Variants in ZNF432 observed in about 807,000 individuals in gnomAD.
ZNF432 encodes the protein zinc finger protein 432.
In ZNF432, 10 loss-of-function variants were observed where a neutral mutation model predicts 13.9. That is an observed-to-expected ratio of 0.72 (90% CI 0.44 to 1.22). The LOEUF (loss-of-function observed/expected upper bound fraction) is 1.22. ZNF432 is among the 50% of genes most tolerant of loss of function. The pLI is 0.00. For synonymous variants in ZNF432, 247 were observed against 256.2 expected (o/e 0.96, Z 0.34); for missense variants, 793 against 796.2 (o/e 1.00, Z 0.05).
At chr19:52,040,449 C>T (rs1436517524) in intron 4 of ZNF432, 39 bp downstream of exon 4, 1 of 1,570,270 alleles carries the variant, frequency 6.4e-7, no homozygotes, top group African/African-American at 1.4e-5. Flanking sequence ...CTTTCACTGA[C>T]TATAATATTA....
intron 1 of ZNF432, among the ~76,000 whole-genome samples, chr19:52,048,184 A>ACACACACAC (rs1568525403): frequency 3.5e-3 from 199 of 56,086 alleles, no homozygotes; most frequent in African/African-American, 8.3e-3. Flanking sequence ...CACACACACA[A>ACACACACAC]AACCAGCCAG....
rs1310629802 is a variant in ZNF432, at chr19:52,040,535, T to C, written c.191A>G (p.Glu64Gly). 6.2e-7 allele frequency: 1 copy of C among 1,614,050 alleles called. No individual in the cohort carries two copies. The highest frequency in any genetic ancestry group is 8.5e-7 in the Non-Finnish European group (1 of 1,180,036). ...TTCATCTTCCATTGTCCATGGTTCTTCTCCTCGTTCCAACTTGGAGAGTGC... is the reference window on the plus strand; with the variant it reads ...TTCATCTTCCATTGTCCATGGTTCTCCTCCTCGTTCCAACTTGGAGAGTGC... ...PDALSKLERGEEPWTMEDERH... is the reference protein window; with the variant it reads ...PDALSKLERGGEPWTMEDERH... The change falls in exon 4 of 5, where the codon GAA (glutamate) becomes GGA (glycine). Residue 64 changes from glutamate (E) to glycine (G), a missense_variant. Glu to Gly is a moderately conservative substitution (Grantham distance 98). Coordinates refer to ENST00000221315, the MANE Select transcript of ZNF432 (RefSeq NM_014650.4).
intron 4 of ZNF432, among the ~76,000 whole-genome samples, chr19:52,038,730 T>C (rs1276827936): frequency 6.6e-6 from 1 of 152,230 alleles, no homozygotes; most frequent in East Asian, 1.9e-4. Context: ...AACCCCTTTA[T>C]TGTTAATTTT....
At position 52,034,640 on chromosome 19, in the gene ZNF432, A is replaced by G; in HGVS notation, c.1039T>C (p.Cys347Arg). The stretch of plus-strand genomic sequence containing the variant: ...GTGAAGCCTTTCCCACATTCACTAC[A>G]GATGTAGGGCTTCTCTCCTGTATGA... ...RTHTGEKPYI[C>R]SECGKGFTTK... is the part of the protein sequence containing the mutation. Residue 347 changes from cysteine to arginine, a missense_variant, in exon 5 of 5, where the codon TGT (cysteine) becomes CGT (arginine). By Grantham distance (180) the Cys-to-Arg change is radical. Coordinates refer to ENST00000221315, the MANE Select transcript of ZNF432 (RefSeq NM_014650.4). The G allele has an allele frequency of 6.2e-7, 1 of 1,613,632 alleles. No individual in the cohort carries two copies. The highest frequency in any genetic ancestry group is 8.5e-7 in the Non-Finnish European group (1 of 1,179,828).
At position 52,032,070 on chromosome 19, in the gene ZNF432, T is replaced by C. The variant is rs2087019713; in HGVS notation, c.*1650A>G. The C allele has an allele frequency of 6.6e-6, 1 of 152,202 alleles. No individual in the cohort carries two copies. Among genetic ancestry groups the C allele is most frequent in the African/African-American group, 2.4e-5 (1 of 41,432 alleles). 9.4% of individuals were successfully genotyped at this position (152,202 alleles called of 1,614,324 possible). A position where few individuals can be genotyped will look rare whatever the true frequency, so the allele number is the denominator to read the frequency against. On this transcript the variant is annotated 3_prime_UTR_variant, in exon 5 of 5. Coordinates refer to ENST00000221315, the MANE Select transcript of ZNF432 (RefSeq NM_014650.4). The stretch of plus-strand genomic sequence containing the variant: ...GAATACTCAGGAAACTTTTGTATAT[T>C]TTGTAATCTCTTGTGAATCTAGAAT...
At chr19:52,044,917 G>C (rs561476963) in intron 2 of ZNF432, among the ~76,000 whole-genome samples, 1 of 152,132 alleles carries the variant, frequency 6.6e-6, no homozygotes, top group South Asian at 2.1e-4. Context: ...CTAAGGTAGG[G>C]GTGTCCAATC....
intron 2 of ZNF432, among the ~76,000 whole-genome samples, chr19:52,041,999 A>T (rs1192359227): frequency 6.6e-6 from 1 of 152,230 alleles, no homozygotes; most frequent in African/African-American, 2.4e-5. Context: ...GAACCACAGG[A>T]TACTACATTC....
intron 4 of ZNF432, among the ~76,000 whole-genome samples, chr19:52,039,909 T>G (rs1422716088): frequency 6.6e-6 from 1 of 151,882 alleles, no homozygotes; most frequent in Non-Finnish European, 1.5e-5. Context: ...GGAAACAATT[T>G]TTTTTTTTAA....
In ZNF432 at chr19:52,033,577, G is replaced by A. The variant is rs1208802194; in HGVS notation, c.*143C>T. On this transcript the variant is annotated 3_prime_UTR_variant, in exon 5 of 5. Transcript: ENST00000221315. ...TGTTGAAGCCTTTCTGACATTGATA[G>A]CATTCATCCTAGTGAATAACACTGG... 6.6e-6 allele frequency: 6 copies of A among 908,042 alleles called. No homozygotes were observed. The highest frequency in any genetic ancestry group is 9.7e-6 in the Non-Finnish European group (6 of 618,644). 56.2% of individuals were successfully genotyped at this position (908,042 alleles called of 1,614,324 possible).
chr19:52,037,651 A>G (rs2087095719), intron 4 of ZNF432, among the ~76,000 whole-genome samples: 1 of 152,016 alleles, frequency 6.6e-6, no homozygotes, highest in Non-Finnish European at 1.5e-5. Context: ...CCAGGCATGC[A>G]TGGTGATATG....
At position 52,043,702 on chromosome 19, in the gene ZNF432, G is replaced by C. The variant is rs545596925; in HGVS notation, c.16-2096C>G. ...GTATGCTCCATCTACTGAGATAGGG[G>C]AAAACCGCCTTAGGGCTGGAGGTGG... On this transcript the variant is annotated intron_variant, in intron 2 of 4. Transcript: ENST00000221315. 1.2e-4 allele frequency among the ~76,000 whole-genome samples: 18 copies of C among 152,358 alleles called. No individual in the cohort carries two copies. The East Asian group carries it at 3.5e-3, about 29-fold the overall frequency.
chr19:52,034,536 G>A lies in ZNF432; in HGVS notation c.1143C>T (p.Gly381=). ...CGATCATACGGCTCTTCATGGTGAA[G>A]CCTTTCCCACATTCATTGCATATAT... ...KPYICNECGK[G]FTMKSRMIEH... Residue 381 remains glycine (G), a synonymous_variant, in exon 5 of 5, where the codon GGC becomes GGT. Coordinates refer to ENST00000221315, the MANE Select transcript of ZNF432 (RefSeq NM_014650.4). 1.2e-6 allele frequency: 2 copies of A among 1,613,624 alleles called. No homozygotes were observed. The highest frequency in any genetic ancestry group is 2.2e-5 in the South Asian group (2 of 91,062).
At position 52,034,033 on chromosome 19, in the gene ZNF432, C is replaced by T; in HGVS notation, c.1646G>A (p.Gly549Asp). Residue 549 changes from glycine to aspartate, a missense_variant, in exon 5 of 5, where the codon GGC becomes GAC. Gly to Asp is a moderately conservative substitution (Grantham distance 94, BLOSUM62 -1). Transcript: ENST00000221315. ...KPFMCSECGK[G>D]FTMKRYLIVH... ...AATGAGATAGCGTTTCATGGTGAAG[C>T]CTTTTCCACATTCACTGCACATAAA... 3.1e-6 allele frequency: 5 copies of T among 1,614,128 alleles called. No homozygotes were observed. The highest frequency in any genetic ancestry group is 4.2e-6 in the Non-Finnish European group (5 of 1,180,012).
chr19:52,034,611 TGTG>T lies in ZNF432; in HGVS notation c.1065_1067del (p.Thr356del). 4 of 1,611,654 alleles carry T rather than the reference TGTG, an allele frequency of 2.5e-6. No individual in the cohort carries two copies. The highest frequency in any genetic ancestry group is 3.4e-6 in the Non-Finnish European group (4 of 1,179,260). The stretch of plus-strand genomic sequence containing the variant: ...GTTGATGTATGATGACATAGTGTTT[TGTG>T]GTGAAGCCTTTCCCACATTCACTAC... On this transcript the variant is annotated inframe_deletion, in exon 5 of 5. Coordinates refer to ENST00000221315, the MANE Select transcript of ZNF432 (RefSeq NM_014650.4).
In ZNF432 at chr19:52,032,977, A is replaced by G. The variant is rs2087030025; in HGVS notation, c.*743T>C. ...CATGATAATGCTGCTAGTATGTGTAAGTTCATTGATGATCTATTATGATCA... is the reference window on the plus strand; with the variant it reads ...CATGATAATGCTGCTAGTATGTGTAGGTTCATTGATGATCTATTATGATCA... On this transcript the variant is annotated 3_prime_UTR_variant, in exon 5 of 5. Coordinates refer to ENST00000221315, the MANE Select transcript of ZNF432 (RefSeq NM_014650.4). The G allele has an allele frequency of 6.6e-6, 1 of 152,164 alleles. No homozygotes were observed. Among genetic ancestry groups the G allele is most frequent in the Non-Finnish European group, 1.5e-5 (1 of 68,034 alleles). 9.4% of individuals were successfully genotyped at this position (152,164 alleles called of 1,614,324 possible).
rs1273914471 is a variant in ZNF432 at position 52,040,594 on chromosome 19, G to A, written c.143-11C>T. 1 of 1,610,696 alleles carries A rather than the reference G, an allele frequency of 6.2e-7. No homozygotes were observed. The highest frequency in any genetic ancestry group is 8.5e-7 in the Non-Finnish European group (1 of 1,176,996). ...TGCTGACTTGATAACCTGTTTACGG[G>A]AAATAATAGAAGACAGACACACTGG... On this transcript the variant is annotated splice_polypyrimidine_tract_variant and intron_variant, in intron 3 of 4. Coordinates refer to ENST00000221315, the MANE Select transcript of ZNF432 (RefSeq NM_014650.4).
intron 4 of ZNF432, among the ~76,000 whole-genome samples, chr19:52,037,508 G>A (rs777721878): frequency 7.9e-5 from 12 of 152,062 alleles, no homozygotes; most frequent in South Asian, 2.1e-4. Context: ...TAGAAAAGTC[G>A]TATCAAGGCC....
intron 2 of ZNF432, among the ~76,000 whole-genome samples, chr19:52,045,388 C>T (rs1194672371): frequency 5.3e-5 from 7 of 131,136 alleles, no homozygotes; most frequent in Non-Finnish European, 1.5e-5. Context: ...CGGAGTTTCG[C>T]TCTTGTTGCC....
chr19:52,048,183 A>ACACACACACACACACT (rs67232726), intron 1 of ZNF432, among the ~76,000 whole-genome samples: 1 of 145,374 alleles, frequency 6.9e-6, no homozygotes, highest in Non-Finnish European at 1.5e-5. Context: ...ACACACACAC[A>ACACACACACACACACT]AAACCAGCCA....
Sources: gnomAD v4.1 joint callset for allele counts (sites outside exome capture counted in the v4.1 genomes callset) on GRCh38, gnomAD v4.1.1 for gene constraint, MANE v1.5 for transcripts, NCBI Gene and HGNC (gene_info 2026-07-23, HGNC 2026-07-21) for gene names.